SHKBP1: variants seen among roughly 807,000 people sequenced by gnomAD.
SHKBP1 encodes the protein SH3KBP1 binding protein 1, also known as SH3KBP1-binding protein 1.
In SHKBP1, 71 loss-of-function variants were observed where a neutral mutation model predicts 83.9. That is an observed-to-expected ratio of 0.85 (90% CI 0.70 to 1.03). The LOEUF is 1.03. SHKBP1 is among the 50% of genes least tolerant of loss of function. The pLI is 0.00. For missense variants in SHKBP1, 824 were observed against 982.4 expected, an observed-to-expected ratio of 0.84 and a Z score of 2.16; for synonymous variants, 371 against 398.0, an observed-to-expected ratio of 0.93 and a Z score of 0.81.
At chr19:40,585,550 T>TTTTTTTTTCTTTCTTTTTTTTTTTTTTC (rs398034634) in intron 12 of SHKBP1, 2 of 144,712 alleles carry the variant, frequency 1.4e-5, no homozygotes, top group Non-Finnish European at 1.5e-5. Flanking sequence ...TTTTTTTTTT[T>TTTTTTTTTCTTTCTTTTTTTTTTTTTTC]GTCTTTTCCT....
Position 40,590,521 on chromosome 19 carries a change from C to A in SHKBP1, c.1768+99C>A. On this transcript the variant is annotated intron_variant, in intron 16 of 17. Coordinates refer to ENST00000291842, the MANE Select transcript of SHKBP1 (RefSeq NM_138392.4). The surrounding 1 kb of genome is among the most constrained non-coding windows in gnomAD (Gnocchi z 4.6). Reference sequence around the variant, plus strand: ...CTTGATCTCTCTCCCAGGCCCTTGCCCTCTGACCCCTTTTCCTTTGACCCC... The same window carrying A: ...CTTGATCTCTCTCCCAGGCCCTTGCACTCTGACCCCTTTTCCTTTGACCCC... 7.1e-7 allele frequency: 1 copy of A among 1,398,986 alleles called. No homozygotes were observed. Among genetic ancestry groups the A allele is most frequent in the South Asian group, 1.4e-5 (1 of 73,638 alleles). 86.7% of individuals were successfully genotyped at this position (1,398,986 alleles called of 1,614,324 possible).
chr19:40,580,942 A>AC lies in SHKBP1; in HGVS notation c.844+10dup. On this transcript the variant is annotated splice_region_variant and intron_variant, in intron 9 of 17. Transcript: ENST00000291842. ...AGGCGGTGGCTCCGAGATAGGTATG[A>AC]CCCCAAGCCTTTTCCAGAACCCTCT... 1 of 1,526,628 alleles carries AC rather than the reference A, an allele frequency of 6.6e-7. No homozygotes were observed. The highest frequency in any genetic ancestry group is 8.8e-7 in the Non-Finnish European group (1 of 1,137,476). The allele number at this position is 1,526,628 out of a possible 1,614,324, so 94.6% of individuals were successfully genotyped here.
At chr19:40,577,966 C>A in intron 4 of SHKBP1, 188 bp from the exon 5 acceptor site, 1 of 666,680 alleles carries the variant, frequency 1.5e-6, no homozygotes. Flanking sequence ...CACACACACA[C>A]ACACACACAC....
intron 8 of SHKBP1, 26 bp from the exon 9 acceptor site, chr19:40,580,720 T>C (rs1201600957): frequency 6.2e-7 from 1 of 1,613,274 alleles, no homozygotes; most frequent in East Asian, 2.2e-5. Flanking sequence ...GCGGTGAGGG[T>C]TGGTGATGTC....
At chr19:40,581,410 G>A (rs2081268716) in intron 9 of SHKBP1, among the ~76,000 whole-genome samples, 1 of 151,980 alleles carries the variant, frequency 6.6e-6, no homozygotes, top group South Asian at 2.1e-4. Flanking sequence ...AGCTACTCAG[G>A]AGGTTAAGGC....
Position 40,591,124 on chromosome 19 carries a change from C to A in SHKBP1, c.2041C>A (p.Pro681Thr). ...VRSGPDLRRP[P>T]TPAPWPSSGL... Reference sequence around the variant, plus strand: ...GAGTGGGCCAGACCTCCGACGGCCACCCACACCAGCCCCGTGGCCCTCCAG... The same window carrying A: ...GAGTGGGCCAGACCTCCGACGGCCAACCACACCAGCCCCGTGGCCCTCCAG... The change falls in exon 18 of 18, where the codon CCC becomes ACC. Residue 681 changes from proline to threonine, a missense_variant. Transcript: ENST00000291842. 6.2e-7 allele frequency: 1 copy of A among 1,608,072 alleles called. No homozygotes were observed. The highest frequency in any genetic ancestry group is 1.3e-5 in the African/African-American group (1 of 74,980).
In SHKBP1 at chr19:40,578,544, T is replaced by G; in HGVS notation, c.400+2T>G. On this transcript the variant is annotated splice_donor_variant, in intron 6 of 17. Coordinates refer to ENST00000291842, the MANE Select transcript of SHKBP1 (RefSeq NM_138392.4). LOFTEE classifies it high-confidence loss of function. ...TCAATGGTTACCTGCCGCCACCAGG[T>G]AGGCACTCCCAATGGAATGGAGGGG... 2 of 1,611,342 alleles carry G rather than the reference T, an allele frequency of 1.2e-6. No individual in the cohort carries two copies. Among genetic ancestry groups the G allele is most frequent in the Non-Finnish European group, 1.7e-6 (2 of 1,178,994 alleles).
chr19:40,585,535 C>CTTTTTTTTTTTTTTTTTTTTT (rs34903711), intron 12 of SHKBP1: 2 of 132,914 alleles, frequency 1.5e-5, no homozygotes, highest in African/African-American at 2.8e-5. Flanking sequence ...TTCTTTCTTT[C>CTTTTTTTTTTTTTTTTTTTTT]TTTTTTTTTT....
At chr19:40,588,527 G>A in intron 13 of SHKBP1, 97 bp from the exon 14 acceptor site, 1 of 1,469,820 alleles carries the variant, frequency 6.8e-7, no homozygotes, top group Non-Finnish European at 9.4e-7. Flanking sequence ...AGCAAGGGCT[G>A]ACCCTCCTGA....
At chr19:40,578,808 G>T (rs184045110) in intron 6 of SHKBP1, among the ~76,000 whole-genome samples, 4 of 152,218 alleles carry the variant, frequency 2.6e-5, no homozygotes, top group South Asian at 2.1e-4. Context: ...CTTTGTAGGG[G>T]GGGCTTTGGA....
chr19:40,590,227 C>T lies in SHKBP1; in HGVS notation c.1590-17C>T. 1 of 1,547,136 alleles carries T rather than the reference C, an allele frequency of 6.5e-7. No homozygotes were observed. The highest frequency in any genetic ancestry group is 8.7e-7 in the Non-Finnish European group (1 of 1,146,208). ...TGAGAAAGCGAGGGTGACCACCTCC[C>T]CCACTGCACCCCCCAGGGTGTGCTC... is the stretch of plus-strand genomic sequence containing the variant. On this transcript the variant is annotated splice_polypyrimidine_tract_variant and intron_variant, in intron 15 of 17. Transcript: ENST00000291842. This position sits in a 1 kb window ranked among gnomAD's most constrained non-coding sequence, Gnocchi z 4.6.
chr19:40,585,784 C>T (rs1343157329), intron 12 of SHKBP1: 1 of 152,066 alleles, frequency 6.6e-6, no homozygotes, highest in Non-Finnish European at 1.5e-5. Flanking sequence ...CTGGGATTCT[C>T]CTCTCGTCGT....
chr19:40,578,736 A>T (rs1459800931), intron 6 of SHKBP1, among the ~76,000 whole-genome samples, 194 bp downstream of exon 6: 1 of 152,142 alleles, frequency 6.6e-6, no homozygotes, highest in Non-Finnish European at 1.5e-5. Flanking sequence ...TGGGCCAGCT[A>T]ACTCTTGAGG....
At chr19:40,578,292 C>T in intron 5 of SHKBP1, 80 bp downstream of exon 5, 1 of 1,522,238 alleles carries the variant, frequency 6.6e-7, no homozygotes, top group Non-Finnish European at 9.1e-7. Flanking sequence ...TTCCCCTTCT[C>T]TCCTGAAAGA....
chr19:40,584,252 C>CAT (rs1229152037), intron 12 of SHKBP1, among the ~76,000 whole-genome samples: 1 of 151,852 alleles, frequency 6.6e-6, no homozygotes, highest in African/African-American at 2.4e-5. Flanking sequence ...CAGAATGGAC[C>CAT]ATTAGGAGTT....
In SHKBP1 at chr19:40,577,095, C is replaced by A. The variant is rs866263493; in HGVS notation, c.86+110C>A. ...CCATCAAGGGTTGCTCCGCCCCCCC[C>A]CCCTTTGGAGGCGCGAGATTCTGGA... is the stretch of plus-strand genomic sequence containing the variant. On this transcript the variant is annotated intron_variant, in intron 1 of 17. Coordinates refer to ENST00000291842, the MANE Select transcript of SHKBP1 (RefSeq NM_138392.4). 14 of 1,357,710 alleles carry A rather than the reference C, an allele frequency of 1.0e-5. No homozygotes were observed. The East Asian group carries it at 1.9e-4, about 18-fold the overall frequency. The allele number at this position is 1,357,710 out of a possible 1,614,324, so 84.1% of individuals were successfully genotyped here.
intron 9 of SHKBP1, 118 bp from the exon 10 acceptor site, chr19:40,582,233 C>T: frequency 1.2e-6 from 1 of 820,658 alleles, no homozygotes; most frequent in Non-Finnish European, 2.1e-6. Context: ...CTGATGGAAT[C>T]TTCTATCCTT....
intron 13 of SHKBP1, 40 bp from the exon 14 acceptor site, chr19:40,588,584 T>A: frequency 6.2e-7 from 1 of 1,612,436 alleles, no homozygotes; most frequent in Non-Finnish European, 8.5e-7. Context: ...CATTGATGCC[T>A]GCACCAGGCC....
rs983671891 is a variant in SHKBP1 at position 40,578,495 on chromosome 19, G to A, written c.353G>A (p.Arg118Gln). 1.2e-6 allele frequency: 2 copies of A among 1,614,102 alleles called. No homozygotes were observed. The highest frequency in any genetic ancestry group is 2.2e-5 in the East Asian group (1 of 44,878). ...CTGCAGCTTCGAGAGGAGTTGGATC[G>A]ATCTTCTTGTGGAAACGTCCTCTTC... is the stretch of plus-strand genomic sequence containing the variant. ...RRLQLREELD[R>Q]SSCGNVLFNG... is the part of the protein sequence containing the mutation. The change falls in exon 6 of 18, where the codon CGA becomes CAA. Residue 118 changes from arginine to glutamine, a missense_variant. This residue lies in a region of SHKBP1 where 355 missense variants were observed against 386.4 expected (regional missense o/e 0.92). Coordinates refer to ENST00000291842, the MANE Select transcript of SHKBP1 (RefSeq NM_138392.4).
Sources: allele counts gnomAD v4.1 joint callset (sites outside exome capture counted in the v4.1 genomes callset), GRCh38; gene constraint gnomAD v4.1.1; regional missense constraint gnomAD v4.1.1; non-coding constraint Gnocchi (gnomAD v3.1); transcripts MANE v1.5; gene names NCBI Gene and HGNC (gene_info 2026-07-23, HGNC 2026-07-21).